CIAO1: variants seen among roughly 807,000 people sequenced by gnomAD.
The protein encoded by CIAO1 is probable cytosolic iron-sulfur protein assembly protein CIAO1.
In CIAO1, 32 loss-of-function variants were observed where a neutral mutation model predicts 43.1. That is an observed-to-expected ratio of 0.74 (90% CI 0.56 to 1.00). CIAO1 has a LOEUF of 1.00. Ranked by LOEUF, CIAO1 falls within the 50% of genes least tolerant of loss-of-function variation. The pLI, the probability that CIAO1 is intolerant of heterozygous loss-of-function variation, is 0.00. For missense variants in CIAO1, 415 were observed against 437.4 expected, an observed-to-expected ratio of 0.95 and a Z score of 0.46; for synonymous variants, 183 against 171.4, an observed-to-expected ratio of 1.07 and a Z score of -0.53.
At chr2:96,270,123 G>T (rs1684517630) in intron 6 of CIAO1, among the ~76,000 whole-genome samples, 1 of 152,172 alleles carries the variant, frequency 6.6e-6, no homozygotes, top group African/African-American at 2.4e-5. Context: ...GCAAACATTT[G>T]GGAATCACCT....
intron 6 of CIAO1, among the ~76,000 whole-genome samples, chr2:96,270,503 G>GA (rs869064139): frequency 3.4e-3 from 416 of 121,648 alleles, no homozygotes; most frequent in Middle Eastern, 6.4e-3. Context: ...TCCATCTAAA[G>GA]AAAAAAAAAA....
rs751470231 is a variant in CIAO1, at chr2:96,267,871, C to T, written c.436C>T (p.Leu146Phe). Residue 146 changes from leucine (L) to phenylalanine (F), a missense_variant, in exon 4 of 7, where the codon CTC (leucine) becomes TTC (phenylalanine). Coordinates refer to ENST00000488633, the MANE Select transcript of CIAO1 (RefSeq NM_004804.3). ...EEDEYECVSV[L>F]NSHTQDVKHV... is the part of the protein sequence containing the mutation. ...GGATGAGTATGAATGTGTCAGTGTT[C>T]TCAACTCCCACACACAGGATGTCAA... The T allele has an allele frequency of 6.2e-7, 1 of 1,614,132 alleles. No homozygotes were observed. Among genetic ancestry groups the T allele is most frequent in the Non-Finnish European group, 8.5e-7 (1 of 1,180,026 alleles).
In CIAO1 at chr2:96,271,202, A is replaced by G. The variant is rs753166862; in HGVS notation, c.871A>G (p.Thr291Ala). Residue 291 changes from threonine to alanine, a missense_variant, in exon 7 of 7, where the codon ACC becomes GCC. Thr to Ala is a moderately conservative substitution (Grantham distance 58). Transcript: ENST00000488633. ...EDPNSDPQQP[T>A]FSLTAHLHQA... ...TCCCAACTCGGATCCACAGCAGCCC[A>G]CCTTCTCCCTGACAGCCCACTTGCA... The G allele has an allele frequency of 6.2e-7, 1 of 1,614,210 alleles. No homozygotes were observed. Among genetic ancestry groups the G allele is most frequent in the African/African-American group, 1.3e-5 (1 of 75,050 alleles).
rs1684499743 is a variant in CIAO1, at chr2:96,269,308, C to G, written c.732C>G (p.Ile244Met). The change falls in exon 6 of 7, where the codon ATC becomes ATG. Residue 244 changes from isoleucine to methionine, a missense_variant. Physicochemically the swap from Ile to Met is conservative, Grantham distance 10. Transcript: ENST00000488633. ...CSGSDPSWKC[I>M]CTLSGFHSRT... is the part of the protein sequence containing the mutation. ...GCTCTGACCCCAGTTGGAAATGTATCTGTACTTTGTCCGGCTTCCACTCAA... is the reference window on the plus strand; with the variant it reads ...GCTCTGACCCCAGTTGGAAATGTATGTGTACTTTGTCCGGCTTCCACTCAA... 2 of 1,614,156 alleles carry G rather than the reference C, an allele frequency of 1.2e-6. No individual in the cohort carries two copies. The highest frequency in any genetic ancestry group is 1.7e-6 in the Non-Finnish European group (2 of 1,180,024).
intron 1 of CIAO1, among the ~76,000 whole-genome samples, chr2:96,267,002 C>T (rs1331287486): frequency 6.6e-6 from 1 of 151,806 alleles, no homozygotes; most frequent in African/African-American, 2.4e-5. Context: ...GGCGTTGTGG[C>T]GGGCACCTGT....
intron 3 of CIAO1, 49 bp from the exon 4 acceptor site, chr2:96,267,787 T>C: frequency 6.2e-7 from 1 of 1,611,794 alleles, no homozygotes; most frequent in Non-Finnish European, 8.5e-7. Context: ...CAGCCCCCTC[T>C]GTGTCCCTGA....
rs1684494612 is a variant in CIAO1, at chr2:96,269,144, G to A, written c.692-124G>A. On this transcript the variant is annotated intron_variant, in intron 5 of 6. Coordinates refer to ENST00000488633, the MANE Select transcript of CIAO1 (RefSeq NM_004804.3). ...TGTAAGGCAGATAAGCAGGGATGGG[G>A]ACACGAACGGAGACACAGACTCATA... 30 of 785,566 alleles carry A rather than the reference G, an allele frequency of 3.8e-5. No individual in the cohort carries two copies. In the Middle Eastern group the frequency reaches 1.8e-3, roughly 46 times the overall value. 48.7% of individuals were successfully genotyped at this position (785,566 alleles called of 1,614,324 possible).
rs150960703 is a variant in CIAO1, at chr2:96,267,369, C to T, written c.188C>T (p.Thr63Ile). The T allele has an allele frequency of 1.2e-5, 20 of 1,614,160 alleles. No homozygotes were observed. The highest frequency in any genetic ancestry group is 1.6e-5 in the Non-Finnish European group (19 of 1,179,982). ...KSVLSEGHQR[T>I]VRKVAWSPCG... ...GTCCTTTCTGAAGGCCACCAGCGCA[C>T]CGTGCGGAAGGTAGCCTGGTCCCCC... Residue 63 changes from threonine to isoleucine, a missense_variant, in exon 2 of 7, where the codon ACC (threonine) becomes ATC (isoleucine). Thr to Ile is a moderately conservative substitution (Grantham distance 89, BLOSUM62 -1). Coordinates refer to ENST00000488633, the MANE Select transcript of CIAO1 (RefSeq NM_004804.3).
chr2:96,266,550 G>A, intron 1 of CIAO1, 61 bp downstream of exon 1: 1 of 1,341,666 alleles, frequency 7.5e-7, no homozygotes, highest in Non-Finnish European at 9.7e-7. Flanking sequence ...GCGTAGTGCA[G>A]GCGCTCAGCC....
intron 1 of CIAO1, 142 bp downstream of exon 1, chr2:96,266,631 A>T: frequency 1.1e-6 from 1 of 932,470 alleles, no homozygotes; most frequent in African/African-American, 1.7e-5. Flanking sequence ...AGGGCTTTAC[A>T]GGCAAAGAAG....
In CIAO1 at chr2:96,272,968, C is replaced by T. The variant is rs1684582311; in HGVS notation, c.*1617C>T. ...CTGAATTGGCTGTGTTCAAGGCATG[C>T]CCTTTAGAATTGAAAGAACTAGCAG... On this transcript the variant is annotated 3_prime_UTR_variant, in exon 7 of 7. Coordinates refer to ENST00000488633, the MANE Select transcript of CIAO1 (RefSeq NM_004804.3). The T allele has an allele frequency of 6.6e-6, 1 of 152,110 alleles. No homozygotes were observed. Among genetic ancestry groups the T allele is most frequent in the African/African-American group, 2.4e-5 (1 of 41,406 alleles). The allele number at this position is 152,110 out of a possible 1,614,324, so 9.4% of individuals were successfully genotyped here.
In CIAO1 at chr2:96,274,089, C is replaced by T. The variant is rs2104325006; in HGVS notation, c.*2738C>T. Reference sequence around the variant, plus strand: ...CATTATGATTTAAAAGTGCATTAACCTTAATCTAGATAATAAAAGCTTTTT... The same window carrying T: ...CATTATGATTTAAAAGTGCATTAACTTTAATCTAGATAATAAAAGCTTTTT... On this transcript the variant is annotated 3_prime_UTR_variant, in exon 7 of 7. Transcript: ENST00000488633. Among the ~76,000 whole-genome samples, 1 of 150,986 alleles carries T rather than the reference C, an allele frequency of 6.6e-6. No homozygotes were observed. Among genetic ancestry groups the T allele is most frequent in the South Asian group, 2.1e-4 (1 of 4,776 alleles).
In CIAO1 at chr2:96,268,558, G is replaced by A. The variant is rs1303421582; in HGVS notation, c.591G>A (p.Val197=). 6.2e-7 allele frequency: 1 copy of A among 1,614,238 alleles called. No individual in the cohort carries two copies. The highest frequency in any genetic ancestry group is 1.7e-5 in the Admixed American group (1 of 60,030). Residue 197 remains valine (V), a synonymous_variant, in exon 5 of 7, where the codon GTG becomes GTA. Transcript: ENST00000488633. Reference sequence around the variant, plus strand: ...CCCTTGAGGGCCATGAATCCACTGTGTGGAGCTTGGCCTTTGACCCGAGTG... The same window carrying A: ...CCCTTGAGGGCCATGAATCCACTGTATGGAGCTTGGCCTTTGACCCGAGTG... ...CATLEGHEST[V]WSLAFDPSGQ... is the part of the protein sequence containing the mutation.
Position 96,271,181 on chromosome 2 carries a change from A to C in CIAO1, c.850A>C (p.Asn284His). The change falls in exon 7 of 7, where the codon AAC becomes CAC. Residue 284 changes from asparagine to histidine, a missense_variant. By Grantham distance (68) the Asn-to-His change is moderately conservative. Transcript: ENST00000488633. Reference protein sequence around the residue: ...DAIRVFQEDPNSDPQQPTFSL... With the variant: ...DAIRVFQEDPHSDPQQPTFSL... ...GATCCGCGTGTTTCAGGAGGATCCC[A>C]ACTCGGATCCACAGCAGCCCACCTT... 1.2e-6 allele frequency: 2 copies of C among 1,614,246 alleles called. No individual in the cohort carries two copies. The highest frequency in any genetic ancestry group is 2.2e-5 in the South Asian group (2 of 91,090).
In CIAO1 at chr2:96,266,311, G is replaced by C. The variant is rs183324092; in HGVS notation, c.-40G>C. On this transcript the variant is annotated 5_prime_UTR_variant, in exon 1 of 7. Transcript: ENST00000488633. ...CGGTGAGACCCGCTGTCTGCTCAGC[G>C]GACTCTGCCCGCCCCCACCTCCCCC... is the stretch of plus-strand genomic sequence containing the variant. The C allele has an allele frequency of 5.2e-3, 7,004 of 1,358,982 alleles. 23 individuals carry two copies. The highest frequency in any genetic ancestry group is 6.4e-3 in the Non-Finnish European group (6,620 of 1,042,244). 84.2% of individuals were successfully genotyped at this position (1,358,982 alleles called of 1,614,324 possible).
chr2:96,268,814 A>G lies in CIAO1; in HGVS notation c.691+156A>G, dbSNP rs553306687. 167 of 672,142 alleles carry G rather than the reference A, an allele frequency of 2.5e-4. No individual in the cohort carries two copies. In the African/African-American group the frequency reaches 2.6e-3, roughly 10 times the overall value. 41.6% of individuals were successfully genotyped at this position (672,142 alleles called of 1,614,324 possible). A position where few individuals can be genotyped will look rare whatever the true frequency, so the allele number is the denominator to read the frequency against. On this transcript the variant is annotated intron_variant, in intron 5 of 6. Coordinates refer to ENST00000488633, the MANE Select transcript of CIAO1 (RefSeq NM_004804.3). Reference sequence around the variant, plus strand: ...GCTGGAAGAATCAGGAAAGTTTTGTAGAATGGGTTGTTTCATCTGAATTTA... The same window carrying G: ...GCTGGAAGAATCAGGAAAGTTTTGTGGAATGGGTTGTTTCATCTGAATTTA...
chr2:96,271,243 G>A lies in CIAO1; in HGVS notation c.912G>A (p.Gln304=). ...LTAHLHQAHS[Q]DVNCVAWNPK... Reference sequence around the variant, plus strand: ...CCCACTTGCATCAGGCCCATTCCCAGGATGTCAACTGTGTGGCCTGGAACC... The same window carrying A: ...CCCACTTGCATCAGGCCCATTCCCAAGATGTCAACTGTGTGGCCTGGAACC... Residue 304 remains glutamine (Q), a synonymous_variant, in exon 7 of 7, where the codon CAG becomes CAA. Coordinates refer to ENST00000488633, the MANE Select transcript of CIAO1 (RefSeq NM_004804.3). The A allele has an allele frequency of 1.2e-6, 2 of 1,614,258 alleles. No individual in the cohort carries two copies. The highest frequency in any genetic ancestry group is 8.5e-7 in the Non-Finnish European group (1 of 1,180,042).
In CIAO1 at chr2:96,271,285, A is replaced by G; in HGVS notation, c.954A>G (p.Leu318=). ...CVAWNPKEPG[L]LASCSDDGEV... ...CCTGGAACCCCAAGGAGCCAGGGCT[A>G]CTGGCCTCCTGCAGTGATGATGGGG... The change falls in exon 7 of 7, where the codon CTA becomes CTG. Residue 318 remains leucine (L), a synonymous_variant. Transcript: ENST00000488633. The G allele has an allele frequency of 1.9e-6, 3 of 1,614,232 alleles. No homozygotes were observed. The highest frequency in any genetic ancestry group is 2.2e-5 in the South Asian group (2 of 91,090).
chr2:96,270,262 T>G (rs1684522557), intron 6 of CIAO1, among the ~76,000 whole-genome samples: 1 of 152,182 alleles, frequency 6.6e-6, no homozygotes, highest in African/African-American at 2.4e-5. Context: ...ATCCCAACAC[T>G]TTGGGAGGCC....
Sources: gnomAD v4.1 joint callset for allele counts (sites outside exome capture counted in the v4.1 genomes callset) on GRCh38, gnomAD v4.1.1 for gene constraint, MANE v1.5 for transcripts, NCBI Gene and HGNC (gene_info 2026-07-23, HGNC 2026-07-21) for gene names.